CUL2: variants seen among roughly 807,000 people sequenced by gnomAD.
CUL2 encodes the protein cullin 2.
In CUL2, 22 loss-of-function variants were observed where a neutral mutation model predicts 110.2. The observed-to-expected ratio is 0.20, with a 90% CI of 0.14 to 0.28. The LOEUF is 0.28. CUL2 is among the 10% of genes least tolerant of loss of function. The pLI, the probability that CUL2 is intolerant of heterozygous loss-of-function variation, is 1.00. For synonymous variants in CUL2, 279 were observed against 293.2 expected, an observed-to-expected ratio of 0.95 and a Z score of 0.49; for missense variants, 631 against 905.5, an observed-to-expected ratio of 0.70 and a Z score of 3.89.
chr10:35,016,428 C>A, intron 17 of CUL2, 34 bp from the exon 18 acceptor site: 1 of 1,448,726 alleles, frequency 6.9e-7, no homozygotes, highest in Non-Finnish European at 9.5e-7. Flanking sequence ...AGTGAATTGA[C>A]CATTCAAAGA....
chr10:35,107,089 C>G (rs1033909412), intron 1 of CUL2, among the ~76,000 whole-genome samples: 1 of 152,112 alleles, frequency 6.6e-6, no homozygotes, highest in African/African-American at 2.4e-5. Context: ...ATTCTCCTGC[C>G]TCAGCCTCCC....
chr10:35,058,871 T>G (rs1042471239), intron 4 of CUL2, among the ~76,000 whole-genome samples: 1 of 152,172 alleles, frequency 6.6e-6, no homozygotes, highest in Non-Finnish European at 1.5e-5. Context: ...TCAATAAACC[T>G]TGATTGAGAC....
intron 9 of CUL2, among the ~76,000 whole-genome samples, chr10:35,037,339 C>T (rs184411689): frequency 1.4e-4 from 21 of 152,340 alleles, no homozygotes; most frequent in African/African-American, 4.8e-4. Context: ...GCCACATATG[C>T]TTGGGTTGTT....
intron 5 of CUL2, 110 bp downstream of exon 5, chr10:35,054,324 G>A (rs2086190745): frequency 1.6e-6 from 1 of 618,638 alleles, no homozygotes; most frequent in Non-Finnish European, 2.8e-6. Context: ...TTTAAATCTT[G>A]ACCATTTTAA....
intron 17 of CUL2, among the ~76,000 whole-genome samples, chr10:35,019,482 C>T (rs2085129907): frequency 6.6e-6 from 1 of 152,142 alleles, no homozygotes; most frequent in Admixed American, 6.5e-5. Flanking sequence ...GAAGACACGA[C>T]AGGGGAAAGG....
intron 1 of CUL2, among the ~76,000 whole-genome samples, chr10:35,085,696 CAAAAAAAAA>C (rs1263412257): frequency 9.0e-5 from 5 of 55,786 alleles, no homozygotes; most frequent in Admixed American, 1.9e-4. Flanking sequence ...GACTCTGTCT[CAAAAAAAAA>C]AAAAAAAAAA....
intron 2 of CUL2, among the ~76,000 whole-genome samples, chr10:35,098,927 C>T (rs2087338149): frequency 6.6e-6 from 1 of 152,126 alleles, no homozygotes; most frequent in Admixed American, 6.6e-5. Flanking sequence ...AAGCAAGACT[C>T]TGTCTCGAAA....
rs2086675649 is a variant in CUL2 at position 35,071,440 on chromosome 10, T to C, written c.-22-101A>G. On this transcript the variant is annotated intron_variant, in intron 1 of 20. Coordinates refer to ENST00000374749, the MANE Select transcript of CUL2 (RefSeq NM_003591.4). The stretch of plus-strand genomic sequence containing the variant: ...TTTGCTTTGAGACGGAGTCTCGCTC[T>C]GTCGCCCAGGCTGGAGTGCAATGGC... The C allele has an allele frequency of 6.1e-5, 63 of 1,033,790 alleles. No homozygotes were observed. In the South Asian group the frequency reaches 8.8e-4, roughly 14 times the overall value. 64.0% of individuals were successfully genotyped at this position (1,033,790 alleles called of 1,614,324 possible).
At chr10:35,019,388 C>G (rs923594945) in intron 17 of CUL2, among the ~76,000 whole-genome samples, 1 of 152,128 alleles carries the variant, frequency 6.6e-6, no homozygotes, top group South Asian at 2.1e-4. Flanking sequence ...TTTTTCAATA[C>G]TCTACCAGGG....
intron 2 of CUL2, among the ~76,000 whole-genome samples, chr10:35,066,584 C>T (rs550245834): frequency 2.2e-4 from 33 of 152,338 alleles, no homozygotes; most frequent in African/African-American, 7.9e-4. Flanking sequence ...CAGGCGTGAG[C>T]CACTGCGCCC....
chr10:35,054,398 T>C (rs374247748), intron 5 of CUL2, 36 bp downstream of exon 5: 72 of 1,158,502 alleles, frequency 6.2e-5, no homozygotes, highest in Non-Finnish European at 8.7e-5. Flanking sequence ...TATAAAAACA[T>C]ACTTATGTTT....
Position 35,103,649 on chromosome 10 carries a change from G to A in CUL2, c.-50-2589C>T, listed in dbSNP as rs542395221. Reference sequence around the variant, plus strand: ...AATTTTTTGTATTTTTAATAGAGACGAGGTTTAAGTATGTAGCCCAGGCTG... The same window carrying A: ...AATTTTTTGTATTTTTAATAGAGACAAGGTTTAAGTATGTAGCCCAGGCTG... On this transcript the variant is annotated intron_variant, in intron 1 of 5. Transcript: ENST00000685421. Among the ~76,000 whole-genome samples the A allele has an allele frequency of 3.9e-5, 6 of 151,986 alleles. No homozygotes were observed. The South Asian group carries it at 1.0e-3, about 26-fold the overall frequency.
chr10:35,105,807 C>T (rs539682554), intron 1 of CUL2, among the ~76,000 whole-genome samples: 1 of 144,588 alleles, frequency 6.9e-6, no homozygotes, highest in Non-Finnish European at 1.5e-5. Flanking sequence ...AACCTGGCTC[C>T]TGAAAGAGGC....
At chr10:35,074,389 T>C (rs2086762026) in intron 1 of CUL2, 5 of 641,502 alleles carry the variant, frequency 7.8e-6, no homozygotes, top group Non-Finnish European at 1.4e-5. Context: ...GCCTGATTCA[T>C]ACACTTGCCT....
chr10:35,114,633 G>A (rs1243793952), intron 1 of CUL2, among the ~76,000 whole-genome samples: 4 of 151,856 alleles, frequency 2.6e-5, no homozygotes, highest in African/African-American at 4.8e-5. Context: ...TGTCCGCCTC[G>A]GCCTCCCAAA....
intron 1 of CUL2, among the ~76,000 whole-genome samples, chr10:35,119,725 C>T (rs908761757): frequency 1.3e-5 from 2 of 151,906 alleles, no homozygotes; most frequent in Admixed American, 6.6e-5. Flanking sequence ...CATGCTACCA[C>T]ATCTGGCTCA....
intron 2 of CUL2, among the ~76,000 whole-genome samples, chr10:35,066,934 A>G (rs1414797134): frequency 6.6e-6 from 1 of 152,178 alleles, no homozygotes; most frequent in South Asian, 2.1e-4. Flanking sequence ...ACTTGCCTCA[A>G]TATTTTTCAA....
At chr10:35,121,974 C>T (rs2087683587) in intron 1 of CUL2, among the ~76,000 whole-genome samples, 1 of 152,126 alleles carries the variant, frequency 6.6e-6, no homozygotes, top group Admixed American at 6.6e-5. Context: ...GTTTACCAAA[C>T]TCAAAAACCA....
chr10:35,093,502 T>A (rs1485885837), upstream of CUL2, among the ~76,000 whole-genome samples: 1 of 151,048 alleles, frequency 6.6e-6, no homozygotes, highest in Non-Finnish European at 1.5e-5. Context: ...CTACAAAAAA[T>A]ACAAAATTTA....
Sources: gnomAD v4.1 joint callset for allele counts (sites outside exome capture counted in the v4.1 genomes callset) on GRCh38, gnomAD v4.1.1 for gene constraint, MANE v1.5 for transcripts, NCBI Gene and HGNC (gene_info 2026-07-23, HGNC 2026-07-21) for gene names.